FZD3: variants seen among roughly 807,000 people sequenced by gnomAD.
FZD3 encodes the protein frizzled class receptor 3, also known as frizzled-3.
Under a neutral mutation model 60.7 loss-of-function variants are expected in FZD3, and 30 were observed. The ratio of observed to expected loss-of-function variants is 0.49; its 90% confidence interval spans 0.37 to 0.67. The LOEUF (loss-of-function observed/expected upper bound fraction) is 0.67. FZD3 is among the 30% of genes least tolerant of loss of function. FZD3 has a pLI of 0.00. For missense variants in FZD3, 605 were observed against 838.7 expected, an observed-to-expected ratio of 0.72 and a Z score of 3.44; for synonymous variants, 246 against 275.2, an observed-to-expected ratio of 0.89 and a Z score of 1.05.
intron 3 of FZD3, among the ~76,000 whole-genome samples, chr8:28,507,202 A>G (rs868536617): frequency 5.9e-5 from 9 of 152,242 alleles, no homozygotes; most frequent in African/African-American, 1.4e-4. Context: ...ATTGCATCCA[A>G]TTGATATGTC....
intron 3 of FZD3, among the ~76,000 whole-genome samples, chr8:28,517,967 A>T (rs995936482): frequency 2.0e-5 from 3 of 152,210 alleles, no homozygotes; most frequent in Non-Finnish European, 4.4e-5. Flanking sequence ...GAGATCCCAG[A>T]TATGTTATGT....
chr8:28,503,158 C>T lies in FZD3; in HGVS notation c.145C>T (p.Leu49Phe), dbSNP rs1234949106. The change falls in exon 3 of 8, where the codon CTT (leucine) becomes TTT (phenylalanine). Residue 49 changes from leucine to phenylalanine, a missense_variant. By Grantham distance (22) the Leu-to-Phe change is conservative. Coordinates refer to ENST00000240093, the MANE Select transcript of FZD3 (RefSeq NM_017412.4). ...TTATAATACTACCTTCATGCCTAAT[C>T]TTCTGAATCATTATGACCAACAGAC... is the stretch of plus-strand genomic sequence containing the variant. ...LPYNTTFMPN[L>F]LNHYDQQTAA... 6.2e-7 allele frequency: 1 copy of T among 1,613,362 alleles called. No individual in the cohort carries two copies. The highest frequency in any genetic ancestry group is 8.5e-7 in the Non-Finnish European group (1 of 1,179,466).
At position 28,569,388 on chromosome 8, in the gene FZD3, T is replaced by A. The variant is rs1805764157; in HGVS notation, c.*6377T>A. On this transcript the variant is annotated 3_prime_UTR_variant, in exon 8 of 8. Coordinates refer to ENST00000240093, the MANE Select transcript of FZD3 (RefSeq NM_017412.4). ...CTCTTTTGCAGTTAGCTGTGTAACTTTGGATAAGGCATTTTATCTCGTGGT... is the reference window on the plus strand; with the variant it reads ...CTCTTTTGCAGTTAGCTGTGTAACTATGGATAAGGCATTTTATCTCGTGGT... 1 of 152,040 alleles carries A rather than the reference T, an allele frequency of 6.6e-6. No individual in the cohort carries two copies. Among genetic ancestry groups the A allele is most frequent in the Non-Finnish European group, 1.5e-5 (1 of 67,990 alleles). The allele number at this position is 152,040 out of a possible 1,614,324, so 9.4% of individuals were successfully genotyped here.
rs1307137732 is a variant in FZD3 at position 28,571,177 on chromosome 8, G to A, written c.*8166G>A. 6.6e-6 allele frequency: 1 copy of A among 152,102 alleles called. No individual in the cohort carries two copies. Among genetic ancestry groups the A allele is most frequent in the African/African-American group, 2.4e-5 (1 of 41,446 alleles). 9.4% of individuals were successfully genotyped at this position (152,102 alleles called of 1,614,324 possible). A position where few individuals can be genotyped will look rare whatever the true frequency, so the allele number is the denominator to read the frequency against. Reference sequence around the variant, plus strand: ...TGGGATATTCTGTAAGATAAAGCAAGTAATCCTAGAGTGATTTACTTTATG... The same window carrying A: ...TGGGATATTCTGTAAGATAAAGCAAATAATCCTAGAGTGATTTACTTTATG... On this transcript the variant is annotated 3_prime_UTR_variant, in exon 8 of 8. Coordinates refer to ENST00000240093, the MANE Select transcript of FZD3 (RefSeq NM_017412.4).
At chr8:28,507,681 C>G (rs1038251340) in intron 3 of FZD3, among the ~76,000 whole-genome samples, 21 of 151,940 alleles carry the variant, frequency 1.4e-4, no homozygotes, top group Admixed American at 9.8e-4. Context: ...TGCATGTTCC[C>G]CCGTTATTAG....
intron 3 of FZD3, among the ~76,000 whole-genome samples, chr8:28,517,951 A>G (rs1804475526): frequency 6.6e-6 from 1 of 152,178 alleles, no homozygotes; most frequent in Non-Finnish European, 1.5e-5. Context: ...GTTATAAAAT[A>G]TTAGTGAGAT....
chr8:28,559,377 ACTAT>A (rs1420852532), intron 7 of FZD3, among the ~76,000 whole-genome samples: 5 of 152,210 alleles, frequency 3.3e-5, no homozygotes, highest in East Asian at 3.8e-4. Flanking sequence ...TCTTTTTGTT[ACTAT>A]CTATTTTCCA....
At chr8:28,526,566 T>G (rs1804719715) in intron 4 of FZD3, among the ~76,000 whole-genome samples, 1 of 152,216 alleles carries the variant, frequency 6.6e-6, no homozygotes, top group African/African-American at 2.4e-5. Context: ...GATCTGTATT[T>G]TTATCTTTTT....
chr8:28,528,236 A>T, intron 5 of FZD3, 72 bp downstream of exon 5: 1 of 1,169,524 alleles, frequency 8.6e-7, no homozygotes, highest in African/African-American at 1.5e-5. Context: ...TAATGAGTTA[A>T]TATCAGCTGT....
chr8:28,511,307 G>A (rs1804282814), intron 3 of FZD3, among the ~76,000 whole-genome samples: 1 of 152,090 alleles, frequency 6.6e-6, no homozygotes, highest in South Asian at 2.1e-4. Context: ...CCAACATGGT[G>A]AAACCCCGTC....
chr8:28,532,002 C>T (rs968128263), intron 5 of FZD3, among the ~76,000 whole-genome samples: 1 of 152,150 alleles, frequency 6.6e-6, no homozygotes, highest in African/African-American at 2.4e-5. Flanking sequence ...TCTCTAATCC[C>T]ATAAAATTTA....
intron 2 of FZD3, 58 bp from the exon 3 acceptor site, chr8:28,502,612 A>C (rs1363281507): frequency 1.3e-5 from 2 of 155,582 alleles, no homozygotes; most frequent in African/African-American, 4.8e-5. Flanking sequence ...TGTCAAGTCC[A>C]TAATACTTTG....
intron 1 of FZD3, among the ~76,000 whole-genome samples, chr8:28,495,840 C>T (rs1157513218): frequency 6.6e-6 from 1 of 152,098 alleles, no homozygotes; most frequent in East Asian, 1.9e-4. Context: ...AGCCTTTCTT[C>T]TACCATACCC....
At chr8:28,526,662 G>C (rs981108922) in intron 4 of FZD3, among the ~76,000 whole-genome samples, 3 of 152,120 alleles carry the variant, frequency 2.0e-5, no homozygotes, top group Non-Finnish European at 4.4e-5. Context: ...TGAAGAAAAT[G>C]GTTTGTATTA....
chr8:28,556,279 A>T (rs374165245), intron 7 of FZD3, among the ~76,000 whole-genome samples: 9 of 152,296 alleles, frequency 5.9e-5, no homozygotes, highest in African/African-American at 1.9e-4. Context: ...CACTCTTGCT[A>T]GGCCCTGAGA....
intron 5 of FZD3, among the ~76,000 whole-genome samples, chr8:28,530,113 G>T (rs1290952206): frequency 7.2e-6 from 1 of 138,230 alleles, no homozygotes; most frequent in East Asian, 2.0e-4. Context: ...GTGTGTGTGT[G>T]TGTGTGTGTG....
chr8:28,536,853 A>G (rs1296396678), intron 5 of FZD3, among the ~76,000 whole-genome samples: 2 of 152,170 alleles, frequency 1.3e-5, no homozygotes, highest in African/African-American at 2.4e-5. Flanking sequence ...ATTTGTTATG[A>G]TTTTAGCTTC....
chr8:28,539,440 T>C (rs949310551), intron 5 of FZD3, among the ~76,000 whole-genome samples: 5 of 152,234 alleles, frequency 3.3e-5, no homozygotes, highest in Non-Finnish European at 7.3e-5. Flanking sequence ...TACATTGTCT[T>C]AATTACTATA....
chr8:28,506,899 T>C (rs1208548301), intron 3 of FZD3, among the ~76,000 whole-genome samples: 1 of 152,154 alleles, frequency 6.6e-6, no homozygotes, highest in Non-Finnish European at 1.5e-5. Context: ...TAGAATAATA[T>C]AATGAAGTGC....
Sources: allele counts gnomAD v4.1 joint callset (sites outside exome capture counted in the v4.1 genomes callset), GRCh38; gene constraint gnomAD v4.1.1; transcripts MANE v1.5; gene names NCBI Gene and HGNC (gene_info 2026-07-23, HGNC 2026-07-21).